The following CSMD3 variants were observed in gnomAD, a reference collection of about 807,000 sequenced individuals.
CSMD3 encodes the protein CUB and sushi domain-containing protein 3.
In CSMD3, 177 loss-of-function variants were observed where a neutral mutation model predicts 435.2. The observed-to-expected ratio is 0.41, with a 90% CI of 0.36 to 0.46. The LOEUF (loss-of-function observed/expected upper bound fraction) is 0.46. Ranked by LOEUF, CSMD3 falls within the 20% of genes least tolerant of loss-of-function variation. The probability of loss-of-function intolerance (pLI) is 0.34; values close to 1 mark genes in which losing one functional copy is unlikely to be tolerated. For missense variants in CSMD3, 4,265 were observed against 4,504.6 expected (o/e 0.95, Z 1.52); for synonymous variants, 1,656 against 1,520.5 (o/e 1.09, Z -2.07).
intron 4 of CSMD3, among the ~76,000 whole-genome samples, chr8:113,104,338 G>T (rs934361918): frequency 7.2e-5 from 11 of 152,078 alleles, no homozygotes; most frequent in Non-Finnish European, 1.6e-4. Context: ...AAGTGAAACT[G>T]ACATCTATGT....
chr8:112,972,067 CA>C (rs1372889060), intron 7 of CSMD3, among the ~76,000 whole-genome samples: 2 of 151,792 alleles, frequency 1.3e-5, no homozygotes, highest in African/African-American at 2.4e-5. Flanking sequence ...TTAATTAACA[CA>C]TAGATTAGTC....
intron 4 of CSMD3, among the ~76,000 whole-genome samples, chr8:113,156,748 A>ATAAATAAATAAT (rs560700190): frequency 0.28 from 41,091 of 147,214 alleles, 6,971 homozygotes; most frequent in East Asian, 0.67. Context: ...AAATAAATAA[A>ATAAATAAATAAT]TAAATAAATA....
At chr8:112,652,526 T>G (rs1214681202) in intron 18 of CSMD3, among the ~76,000 whole-genome samples, 1 of 152,164 alleles carries the variant, frequency 6.6e-6, no homozygotes, top group African/African-American at 2.4e-5. Context: ...TCAATGAATA[T>G]ATGGGGTTAA....
chr8:113,004,044 T>G (rs1030854416), intron 6 of CSMD3, among the ~76,000 whole-genome samples: 2 of 152,104 alleles, frequency 1.3e-5, no homozygotes, highest in African/African-American at 2.4e-5. Context: ...TGCTACTTTT[T>G]GGGGAGGCTT....
intron 31 of CSMD3, among the ~76,000 whole-genome samples, chr8:112,484,933 G>A (rs932909537): frequency 1.3e-5 from 2 of 152,046 alleles, no homozygotes. Context: ...GTGGATTAGG[G>A]ATTCTCAACC....
At chr8:112,431,410 A>C (rs1813692975) in intron 32 of CSMD3, among the ~76,000 whole-genome samples, 1 of 152,106 alleles carries the variant, frequency 6.6e-6, no homozygotes, top group South Asian at 2.1e-4. Flanking sequence ...TTTAAGAATA[A>C]TTTTCTAAAA....
At chr8:112,243,176 T>C (rs1365437911) in intron 65 of CSMD3, among the ~76,000 whole-genome samples, 2 of 151,772 alleles carry the variant, frequency 1.3e-5, no homozygotes, top group Non-Finnish European at 2.9e-5. Flanking sequence ...TGGAAGCAGA[T>C]AATTACAAGC....
Position 112,420,631 on chromosome 8 carries a change from T to C in CSMD3, c.5396-11599A>G, listed in dbSNP as rs186630575. On this transcript the variant is annotated intron_variant, in intron 32 of 70. Transcript: ENST00000297405. The stretch of plus-strand genomic sequence containing the variant: ...TATATTTGTGAAAAAAAATGAGTCT[T>C]TTAAAGCAGAGAGACTAAAATAGGA... 7.4e-4 allele frequency among the ~76,000 whole-genome samples: 113 copies of C among 152,286 alleles called. 1 individual carries two copies. The highest frequency in any genetic ancestry group is 2.6e-3 in the African/African-American group (108 of 41,564).
chr8:112,968,796 C>T (rs1210308987), intron 7 of CSMD3, among the ~76,000 whole-genome samples: 1 of 151,844 alleles, frequency 6.6e-6, no homozygotes, highest in African/African-American at 2.4e-5. Flanking sequence ...CAATAAAACC[C>T]TGATAATTGA....
At chr8:112,794,330 G>A (rs2078770629) in intron 13 of CSMD3, among the ~76,000 whole-genome samples, 1 of 115,250 alleles carries the variant, frequency 8.7e-6, no homozygotes. Flanking sequence ...GTCTCACTGT[G>A]TAGCCCAGGT....
chr8:112,256,101 T>C lies in CSMD3; in HGVS notation c.9863-674A>G, dbSNP rs76033588. On this transcript the variant is annotated intron_variant, in intron 61 of 70. Transcript: ENST00000297405. Reference sequence around the variant, plus strand: ...TTTCTAAAAATTTTGATTAGATTATTCCATTCAACTTACATTTATTAATTA... The same window carrying C: ...TTTCTAAAAATTTTGATTAGATTATCCCATTCAACTTACATTTATTAATTA... 2.0e-3 allele frequency among the ~76,000 whole-genome samples: 299 copies of C among 152,270 alleles called. 1 individual carries two copies. Among genetic ancestry groups the C allele is most frequent in the African/African-American group, 6.7e-3 (278 of 41,552 alleles).
intron 70 of CSMD3, among the ~76,000 whole-genome samples, chr8:112,226,610 A>G (rs1247222924): frequency 6.6e-6 from 1 of 152,252 alleles, no homozygotes; most frequent in Non-Finnish European, 1.5e-5. Context: ...CTCTCAAGAC[A>G]GTGAAAATAC....
At chr8:112,989,134 G>C (rs900161920) in intron 6 of CSMD3, among the ~76,000 whole-genome samples, 2 of 151,900 alleles carry the variant, frequency 1.3e-5, no homozygotes, top group Non-Finnish European at 2.9e-5. Flanking sequence ...ATTCAAATGG[G>C]AGACAAAAAG....
intron 13 of CSMD3, among the ~76,000 whole-genome samples, chr8:112,695,345 T>C (rs1449604658): frequency 6.6e-6 from 1 of 152,188 alleles, no homozygotes; most frequent in Non-Finnish European, 1.5e-5. Flanking sequence ...TATTATACTG[T>C]CAATATTATT....
At chr8:113,260,951 C>T (rs1783101602) in intron 3 of CSMD3, among the ~76,000 whole-genome samples, 1 of 152,128 alleles carries the variant, frequency 6.6e-6, no homozygotes, top group African/African-American at 2.4e-5. Flanking sequence ...ATATGTGCCA[C>T]ATTTTCTTTA....
chr8:112,505,156 GT>G (rs1040768721), intron 29 of CSMD3, among the ~76,000 whole-genome samples: 1 of 152,104 alleles, frequency 6.6e-6, no homozygotes, highest in Non-Finnish European at 1.5e-5. Context: ...TAGTGCAGAG[GT>G]TCCCAGACTT....
intron 23 of CSMD3, among the ~76,000 whole-genome samples, chr8:112,575,970 T>G (rs924540067): frequency 6.6e-6 from 1 of 152,088 alleles, no homozygotes; most frequent in African/African-American, 2.4e-5. Context: ...ATTATCAAGG[T>G]ATCCCCAAAT....
At chr8:112,585,337 AT>A (rs905597305) in intron 23 of CSMD3, among the ~76,000 whole-genome samples, 1 of 151,376 alleles carries the variant, frequency 6.6e-6, no homozygotes, top group East Asian at 1.9e-4. Context: ...GAGGACATAA[AT>A]TTTTTAACTT....
At chr8:112,927,772 G>T (rs924259995) in intron 9 of CSMD3, among the ~76,000 whole-genome samples, 1 of 151,652 alleles carries the variant, frequency 6.6e-6, no homozygotes, top group South Asian at 2.1e-4. Context: ...TCATTCTTTT[G>T]CAGAAATAAT....
Sources: allele counts gnomAD v4.1 joint callset (sites outside exome capture counted in the v4.1 genomes callset), GRCh38; gene constraint gnomAD v4.1.1; transcripts MANE v1.5; gene names NCBI Gene and HGNC (gene_info 2026-07-23, HGNC 2026-07-21).